The following EPB41L1 variants were observed in gnomAD, a reference collection of about 807,000 sequenced individuals.
EPB41L1 encodes the protein band 4.1-like protein 1.
EPB41L1 carries 29 observed loss-of-function variants against 97.8 expected under a neutral mutation model. That is an observed-to-expected ratio of 0.30 (90% CI 0.22 to 0.40). The LOEUF is 0.40. EPB41L1 is among the 10% of genes least tolerant of loss of function. The pLI, the probability that EPB41L1 is intolerant of heterozygous loss-of-function variation, is 1.00. For missense variants in EPB41L1, 812 were observed against 1,162.3 expected (o/e 0.70, Z 4.38); for synonymous variants, 383 against 459.2 (o/e 0.83, Z 2.12).
chr20:36,112,987 C>G (rs2058457481), intron 2 of EPB41L1, among the ~76,000 whole-genome samples: 1 of 152,204 alleles, frequency 6.6e-6, no homozygotes, highest in African/African-American at 2.4e-5. Context: ...TTCAAACTTT[C>G]CAGCAGGGAA....
intron 2 of EPB41L1, among the ~76,000 whole-genome samples, chr20:36,138,628 G>C (rs886291228): frequency 2.0e-5 from 3 of 152,162 alleles, no homozygotes; most frequent in Admixed American, 6.5e-5. Flanking sequence ...TTAATGATTT[G>C]ACATATATTG....
chr20:36,123,203 A>T (rs1172199619), intron 2 of EPB41L1, among the ~76,000 whole-genome samples: 2 of 152,006 alleles, frequency 1.3e-5, no homozygotes, highest in African/African-American at 4.8e-5. Context: ...AGAGAACAAG[A>T]ATACAGAGGA....
chr20:36,202,040 AG>A (rs1246929734), intron 14 of EPB41L1, among the ~76,000 whole-genome samples: 4 of 152,338 alleles, frequency 2.6e-5, no homozygotes, highest in Non-Finnish European at 5.9e-5. Flanking sequence ...CTCAATCTAA[AG>A]AACAAAACTA....
At chr20:36,191,733 A>G (rs1414641259) in intron 11 of EPB41L1, among the ~76,000 whole-genome samples, 1 of 152,196 alleles carries the variant, frequency 6.6e-6, no homozygotes, top group Non-Finnish European at 1.5e-5. Flanking sequence ...ATCTGAATGA[A>G]TGGATGGGTG....
At chr20:36,191,371 C>T (rs2061941600) in intron 11 of EPB41L1, among the ~76,000 whole-genome samples, 1 of 152,076 alleles carries the variant, frequency 6.6e-6, no homozygotes, top group South Asian at 2.1e-4. Context: ...CTCCACTGTC[C>T]CCATTTCTAT....
intron 14 of EPB41L1, among the ~76,000 whole-genome samples, chr20:36,201,259 G>A (rs755100223): frequency 2.6e-5 from 4 of 152,194 alleles, no homozygotes; most frequent in Non-Finnish European, 5.9e-5. Flanking sequence ...CTTTGGCCTC[G>A]AAGGAGAGGC....
intron 11 of EPB41L1, among the ~76,000 whole-genome samples, chr20:36,193,595 T>C (rs1456656592): frequency 6.6e-6 from 1 of 152,222 alleles, no homozygotes; most frequent in Non-Finnish European, 1.5e-5. Context: ...CATTTTGGAA[T>C]ACCAGTGAGT....
In EPB41L1 at chr20:36,231,956, C is replaced by T; in HGVS notation, c.*2616C>T. On this transcript the variant is annotated 3_prime_UTR_variant, in exon 22 of 22. Transcript: ENST00000338074. ...GGAGTCCTGAGCACACTGAACACAC[C>T]TCAGAGGGAGGATCCTTGTTGTGGA... 6.5e-6 allele frequency: 1 copy of T among 153,034 alleles called. No homozygotes were observed. Among genetic ancestry groups the T allele is most frequent in the East Asian group, 1.9e-4 (1 of 5,194 alleles). 9.5% of individuals were successfully genotyped at this position (153,034 alleles called of 1,614,324 possible).
chr20:36,164,151 G>C (rs1457114990), intron 1 of EPB41L1, among the ~76,000 whole-genome samples: 1 of 152,166 alleles, frequency 6.6e-6, no homozygotes, highest in Non-Finnish European at 1.5e-5. Flanking sequence ...GCCCCTGCCA[G>C]TGTCTTCTAT....
chr20:36,091,749 C>T (rs1056898041), intron 1 of EPB41L1: 4 of 152,210 alleles, frequency 2.6e-5, no homozygotes, highest in Non-Finnish European at 5.9e-5. Flanking sequence ...ATTCCGGGCA[C>T]TTCTGGAGGG....
chr20:36,185,440 C>G, intron 7 of EPB41L1, 105 bp downstream of exon 7: 2 of 1,081,004 alleles, frequency 1.9e-6, no homozygotes, highest in Non-Finnish European at 2.7e-6. Context: ...GTTTGTACCC[C>G]GCCTGGCTCT....
chr20:36,113,270 A>C (rs888579438), intron 2 of EPB41L1, among the ~76,000 whole-genome samples: 1 of 152,208 alleles, frequency 6.6e-6, no homozygotes, highest in Non-Finnish European at 1.5e-5. Context: ...GGAAATTTCG[A>C]AGTAACATGC....
At chr20:36,172,893 C>A (rs2061055845) in intron 1 of EPB41L1, among the ~76,000 whole-genome samples, 1 of 152,214 alleles carries the variant, frequency 6.6e-6, no homozygotes, top group Admixed American at 6.5e-5. Flanking sequence ...AGCCACCGCG[C>A]CTGGCGTGTT....
intron 6 of EPB41L1, 143 bp from the exon 7 acceptor site, chr20:36,184,974 A>C (rs1264942142): frequency 3.6e-5 from 28 of 771,784 alleles, no homozygotes; most frequent in Non-Finnish European, 6.1e-5. Context: ...ACATACCCAG[A>C]TTGTCAATAT....
chr20:36,108,108 A>G (rs2058261027), intron 1 of EPB41L1, among the ~76,000 whole-genome samples: 1 of 151,724 alleles, frequency 6.6e-6, no homozygotes, highest in Middle Eastern at 3.2e-3. Context: ...CTCAGCTAGT[A>G]GCTGGGACTT....
At chr20:36,180,424 T>C (rs2061430457) in intron 5 of EPB41L1, among the ~76,000 whole-genome samples, 1 of 152,178 alleles carries the variant, frequency 6.6e-6, no homozygotes, top group African/African-American at 2.4e-5. Context: ...CCCCTGCTTC[T>C]CCTTGGCCAG....
upstream of EPB41L1, chr20:36,151,012 T>C (rs1440121918): frequency 3.3e-5 from 5 of 152,182 alleles, no homozygotes; most frequent in African/African-American, 1.2e-4. Context: ...TGGGTGACCT[T>C]GGCAAGTCAC....
chr20:36,171,498 T>G (rs1396245585), intron 1 of EPB41L1, among the ~76,000 whole-genome samples: 1 of 152,186 alleles, frequency 6.6e-6, no homozygotes, highest in African/African-American at 2.4e-5. Context: ...ATCTTCCTTC[T>G]AAATAGCAGC....
In EPB41L1 at chr20:36,182,484, GTAC is replaced by G. The variant is rs1276450760; in HGVS notation, c.566+138_566+140del. ...CTACCGAGGTCAGGCAGACAGCATC[GTAC>G]ACAGGAAGCCGACTCATTGTAAGAA... On this transcript the variant is annotated intron_variant, in intron 6 of 21. Coordinates refer to ENST00000338074, the MANE Select transcript of EPB41L1 (RefSeq NM_012156.2). 9 of 904,258 alleles carry G rather than the reference GTAC, an allele frequency of 1.0e-5. No homozygotes were observed. In the East Asian group the frequency reaches 1.8e-4, roughly 18 times the overall value. The allele number at this position is 904,258 out of a possible 1,614,324, so 56.0% of individuals were successfully genotyped here. A position where few individuals can be genotyped will look rare whatever the true frequency, so the allele number is the denominator to read the frequency against.
Sources: allele counts gnomAD v4.1 joint callset (sites outside exome capture counted in the v4.1 genomes callset), GRCh38; gene constraint gnomAD v4.1.1; transcripts MANE v1.5; gene names NCBI Gene and HGNC (gene_info 2026-07-23, HGNC 2026-07-21).